Variants in RPS6 observed in about 807,000 individuals in gnomAD.
RPS6 encodes the protein small ribosomal subunit protein eS6.
RPS6 carries 1 observed loss-of-function variant against 27.1 expected under a neutral mutation model. That is an observed-to-expected ratio of 0.04 (90% CI 0.01 to 0.18). RPS6 has a LOEUF of 0.18. Ranked by LOEUF, RPS6 falls within the 10% of genes least tolerant of loss-of-function variation. RPS6 has a pLI of 1.00. For synonymous variants in RPS6, 152 were observed against 106.0 expected (o/e 1.43, Z -2.66); for missense variants, 259 against 319.1 (o/e 0.81, Z 1.44).
chr9:19,379,469 C>A lies in RPS6; in HGVS notation c.138+18G>T. On this transcript the variant is annotated intron_variant, in intron 2 of 5. Coordinates refer to ENST00000380394, the MANE Select transcript of RPS6 (RefSeq NM_001010.3). ...CCGTCTCTGACTTAAATACCTGCAA[C>A]AATTTGTCAACTTTTACCTTCCATT... The A allele has an allele frequency of 2.5e-6, 4 of 1,614,094 alleles. No homozygotes were observed. The highest frequency in any genetic ancestry group is 3.4e-6 in the Non-Finnish European group (4 of 1,179,978).
intron 4 of RPS6, among the ~76,000 whole-genome samples, chr9:19,377,903 T>C (rs1829616145): frequency 6.6e-6 from 1 of 152,180 alleles, no homozygotes; most frequent in Non-Finnish European, 1.5e-5. Context: ...ACGCCCATAA[T>C]CCCAGCACTT....
chr9:19,379,937 C>T (rs991396427), intron 1 of RPS6: 5 of 1,433,858 alleles, frequency 3.5e-6, no homozygotes, highest in South Asian at 1.5e-5. Flanking sequence ...AACTGGGCAA[C>T]ACGCCGCATC....
intron 2 of RPS6, chr9:19,379,221 G>A (rs936074664): frequency 4.8e-6 from 6 of 1,250,944 alleles, no homozygotes; most frequent in African/African-American, 4.6e-5. Context: ...GCACTTTGGG[G>A]ATTATGAGGA....
intron 1 of RPS6, 54 bp from the exon 2 acceptor site, chr9:19,379,672 T>C (rs1230948982): frequency 1.9e-6 from 3 of 1,551,998 alleles, no homozygotes; most frequent in African/African-American, 2.7e-5. Flanking sequence ...CAGGTAATTG[T>C]AGAGCCATCT....
Position 19,378,709 on chromosome 9 carries a change from T to C in RPS6, c.348A>G (p.Lys116=), listed in dbSNP as rs747588676. ...AAATTGAACACAAGTAACCCTCACC[T>C]TTTTTTACAATAACCAAGTTGAGAA... The part of the protein sequence containing the change: ...LSVLNLVIVK[K]GEKDIPGLTD... The change falls in exon 3 of 6, where the codon AAA becomes AAG. Residue 116 remains lysine, a splice_region_variant and synonymous_variant. Coordinates refer to ENST00000380394, the MANE Select transcript of RPS6 (RefSeq NM_001010.3). 25 of 1,612,500 alleles carry C rather than the reference T, an allele frequency of 1.6e-5. No homozygotes were observed. Among genetic ancestry groups the C allele is most frequent in the Non-Finnish European group, 2.0e-5 (24 of 1,178,708 alleles).
At chr9:19,377,564 C>G (rs1356321884) in intron 4 of RPS6, among the ~76,000 whole-genome samples, 1 of 152,100 alleles carries the variant, frequency 6.6e-6, no homozygotes, top group Non-Finnish European at 1.5e-5. Context: ...AACCAAAATC[C>G]AGAGAAATTC....
chr9:19,379,814 C>T, intron 1 of RPS6, 196 bp from the exon 2 acceptor site: 1 of 1,430,288 alleles, frequency 7.0e-7, no homozygotes, highest in Non-Finnish European at 9.1e-7. Context: ...CTCAGCAGGA[C>T]GTTTTCCCCT....
In RPS6 at chr9:19,376,043, G is replaced by A. The variant is rs1475597670; in HGVS notation, c.*250C>T. On this transcript the variant is annotated 3_prime_UTR_variant, in exon 6 of 6. Coordinates refer to ENST00000380394, the MANE Select transcript of RPS6 (RefSeq NM_001010.3). The stretch of plus-strand genomic sequence containing the variant: ...CCTAAGTTCCATGCCATTCTGAAGA[G>A]GCAGGTGTCTTATGCTCAGAATCCC... The A allele has an allele frequency of 5.3e-6, 2 of 375,158 alleles. No homozygotes were observed. Among genetic ancestry groups the A allele is most frequent in the Non-Finnish European group, 9.6e-6 (2 of 208,350 alleles). The allele number at this position is 375,158 out of a possible 1,614,324, so 23.2% of individuals were successfully genotyped here. A position where few individuals can be genotyped will look rare whatever the true frequency, so the allele number is the denominator to read the frequency against.
rs766005931 is a variant in RPS6, at chr9:19,379,508, G to C, written c.117C>G (p.Asp39Glu). 6 of 1,614,126 alleles carry C rather than the reference G, an allele frequency of 3.7e-6. No individual in the cohort carries two copies. The South Asian group carries it at 4.4e-5, about 12-fold the overall frequency. The change falls in exon 2 of 6, where the codon GAC becomes GAG. Residue 39 changes from aspartate (D) to glutamate (E), a missense_variant. Physicochemically the swap from Asp to Glu is conservative, Grantham distance 45 (BLOSUM62 2). Coordinates refer to ENST00000380394, the MANE Select transcript of RPS6 (RefSeq NM_001010.3). ...TTACCTTCCATTCTTCACCCAGAGC[G>C]TCAGCAGCAACTTCTGTGGCCATAC... ...EKRMATEVAA[D>E]ALGEEWKGYV...
rs778272571 is a variant in RPS6, at chr9:19,378,484, G to T, written c.380C>A (p.Thr127Asn). The T allele has an allele frequency of 4.3e-6, 7 of 1,614,028 alleles. No individual in the cohort carries two copies. The highest frequency in any genetic ancestry group is 3.3e-5 in the South Asian group (3 of 91,082). ...GGGGCCCAGGCGGCGAGGCACTGTA[G>T]TATCAGTCAGTCCAGGAATATCCTT... ...GEKDIPGLTD[T>N]TVPRRLGPKR... is the part of the protein sequence containing the mutation. The change falls in exon 4 of 6, where the codon ACT (threonine) becomes AAT (asparagine). Residue 127 changes from threonine to asparagine, a missense_variant. Physicochemically the swap from Thr to Asn is moderately conservative, Grantham distance 65 (BLOSUM62 0). This residue lies in a region of RPS6 where 191 missense variants were observed against 231.6 expected (regional missense o/e 0.82). Coordinates refer to ENST00000380394, the MANE Select transcript of RPS6 (RefSeq NM_001010.3).
Position 19,376,533 on chromosome 9 carries a change from CTCT to C in RPS6, c.612_614del (p.Glu205del), listed in dbSNP as rs1435536484. 4.3e-6 allele frequency: 7 copies of C among 1,614,154 alleles called. No homozygotes were observed. Among genetic ancestry groups the C allele is most frequent in the Non-Finnish European group, 5.9e-6 (7 of 1,180,020 alleles). On this transcript the variant is annotated inframe_deletion, in exon 5 of 6. Transcript: ENST00000380394. ...CCAAAAGTTTAGCATATTCTGCAGCCTCTTCTTTATTTTTCTTGGTACGCTGCT... is the reference window on the plus strand; with the variant it reads ...CCAAAAGTTTAGCATATTCTGCAGCCTCTTTATTTTTCTTGGTACGCTGCT...
In RPS6 at chr9:19,379,601, T is replaced by G. The variant is rs149265455; in HGVS notation, c.24A>C (p.Pro8=). MKLNISF[P]ATGCQKLIEV... ...CAATGAGTTTCTGGCAGCCAGTGGC[T>G]GGGAAGGAGATGTTCAGCTAAGGAT... is the stretch of plus-strand genomic sequence containing the variant. The change falls in exon 2 of 6, where the codon CCA becomes CCC. Residue 8 remains proline (P), a synonymous_variant. Transcript: ENST00000380394. 3.0e-4 allele frequency: 490 copies of G among 1,613,862 alleles called. No homozygotes were observed. The highest frequency in any genetic ancestry group is 3.8e-4 in the Non-Finnish European group (452 of 1,179,830).
intron 1 of RPS6, 186 bp from the exon 2 acceptor site, chr9:19,379,804 C>G: frequency 1.4e-6 from 2 of 1,434,422 alleles, no homozygotes; most frequent in Non-Finnish European, 1.8e-6. Flanking sequence ...AAGCGCCGCA[C>G]TCAGCAGGAC....
intron 2 of RPS6, 118 bp downstream of exon 2, chr9:19,379,369 G>A (rs957): frequency 0.09 from 139,222 of 1,553,606 alleles, 7,334 homozygotes; most frequent in Middle Eastern, 0.18. Context: ...GCATTCGGAA[G>A]CAACTTACCA....
rs761099748 is a variant in RPS6, at chr9:19,378,355, T to C, written c.496+13A>G. The C allele has an allele frequency of 1.2e-6, 2 of 1,610,696 alleles. No individual in the cohort carries two copies. Among genetic ancestry groups the C allele is most frequent in the Non-Finnish European group, 1.7e-6 (2 of 1,179,224 alleles). Reference sequence around the variant, plus strand: ...CAAAATTAAGCAAGCCCTAATTGCATAATCCCTCCTACCTTCTTTATTTAA... The same window carrying C: ...CAAAATTAAGCAAGCCCTAATTGCACAATCCCTCCTACCTTCTTTATTTAA... On this transcript the variant is annotated intron_variant, in intron 4 of 5. Coordinates refer to ENST00000380394, the MANE Select transcript of RPS6 (RefSeq NM_001010.3).
At chr9:19,379,137 T>A (rs1829637319) in intron 2 of RPS6, 5 of 787,450 alleles carry the variant, frequency 6.3e-6, no homozygotes, top group African/African-American at 1.7e-5. Flanking sequence ...CTAACCGATG[T>A]TTTATTAGAG....
chr9:19,376,246 C>G lies in RPS6; in HGVS notation c.*47G>C. 1 of 1,481,156 alleles carries G rather than the reference C, an allele frequency of 6.8e-7. No homozygotes were observed. The highest frequency in any genetic ancestry group is 9.3e-7 in the Non-Finnish European group (1 of 1,077,222). 91.8% of individuals were successfully genotyped at this position (1,481,156 alleles called of 1,614,324 possible). A position where few individuals can be genotyped will look rare whatever the true frequency, so the allele number is the denominator to read the frequency against. ...TAGTTTTCTATCAGCAATGAAAAGT[C>G]AACAGAGATCAGAGTCTGATCTTAT... is the stretch of plus-strand genomic sequence containing the variant. On this transcript the variant is annotated 3_prime_UTR_variant, in exon 6 of 6. Coordinates refer to ENST00000380394, the MANE Select transcript of RPS6 (RefSeq NM_001010.3).
At chr9:19,379,387 G>A (rs1829642368) in intron 2 of RPS6, 100 bp downstream of exon 2, 2 of 1,565,076 alleles carry the variant, frequency 1.3e-6, no homozygotes, top group South Asian at 2.3e-5. Flanking sequence ...CCAAAGGTCA[G>A]AAGCCAGAAC....
At position 19,376,162 on chromosome 9, in the gene RPS6, A is replaced by G; in HGVS notation, c.*131T>C. 2 of 746,320 alleles carry G rather than the reference A, an allele frequency of 2.7e-6. No individual in the cohort carries two copies. The highest frequency in any genetic ancestry group is 2.7e-5 in the East Asian group (1 of 37,458). 46.2% of individuals were successfully genotyped at this position (746,320 alleles called of 1,614,324 possible). On this transcript the variant is annotated 3_prime_UTR_variant, in exon 6 of 6. Coordinates refer to ENST00000380394, the MANE Select transcript of RPS6 (RefSeq NM_001010.3). ...TAGGTCTGACTTTATCCACCATTGG[A>G]ATACCATATATACATATCCCCATTT...
Sources: allele counts gnomAD v4.1 joint callset (sites outside exome capture counted in the v4.1 genomes callset), GRCh38; gene constraint gnomAD v4.1.1; regional missense constraint gnomAD v4.1.1; transcripts MANE v1.5; gene names NCBI Gene and HGNC (gene_info 2026-07-23, HGNC 2026-07-21).